ZSCAN5A: variants seen among roughly 807,000 people sequenced by gnomAD.
ZSCAN5A encodes zinc finger and SCAN domain-containing protein 5A.
Under a neutral mutation model 23.7 loss-of-function variants are expected in ZSCAN5A, and 12 were observed. The observed-to-expected ratio is 0.51, with a 90% CI of 0.32 to 0.82. The LOEUF is 0.82. ZSCAN5A is among the 40% of genes least tolerant of loss of function. ZSCAN5A has a pLI of 0.03. For missense variants in ZSCAN5A, 597 were observed against 617.9 expected (o/e 0.97, Z 0.36); for synonymous variants, 257 against 239.9 (o/e 1.07, Z -0.66).
At chr19:56,339,784 G>A (rs895560598) in intron 2 of ZSCAN5A, among the ~76,000 whole-genome samples, 4 of 142,346 alleles carry the variant, frequency 2.8e-5, no homozygotes, top group Admixed American at 2.1e-4. Flanking sequence ...GGTTGTAGCC[G>A]CATTTAGCAA....
At chr19:56,299,750 G>A (rs148763613) in intron 2 of ZSCAN5A, 1 of 152,118 alleles carries the variant, frequency 6.6e-6, no homozygotes, top group African/African-American at 2.4e-5. Flanking sequence ...TTATATTTTT[G>A]TATTGTTTTT....
chr19:56,224,325 T>G (rs963839211), intron 3 of ZSCAN5A: 13 of 329,212 alleles, frequency 3.9e-5, no homozygotes, highest in African/African-American at 1.9e-4. Context: ...CTTTCTTTCA[T>G]GTTGGCCTCA....
intron 2 of ZSCAN5A, chr19:56,321,580 G>C (rs1215255228): frequency 1.3e-6 from 1 of 777,840 alleles, no homozygotes; most frequent in Non-Finnish European, 2.4e-6. Context: ...CCCTGTCATT[G>C]ACTGTGGCAT....
At chr19:56,360,859 A>T (rs2041729692) in intron 2 of ZSCAN5A, among the ~76,000 whole-genome samples, 1 of 152,212 alleles carries the variant, frequency 6.6e-6, no homozygotes, top group Admixed American at 6.5e-5. Context: ...TAAACCAAAG[A>T]GCTTCTGCAC....
intron 2 of ZSCAN5A, among the ~76,000 whole-genome samples, chr19:56,337,692 T>C (rs1379294361): frequency 6.6e-6 from 1 of 152,240 alleles, no homozygotes; most frequent in Non-Finnish European, 1.5e-5. Flanking sequence ...TGCTGGGAGC[T>C]GTAGACTGGA....
At chr19:56,297,000 C>T (rs2039917659) in intron 2 of ZSCAN5A, among the ~76,000 whole-genome samples, 1 of 151,830 alleles carries the variant, frequency 6.6e-6, no homozygotes, top group Non-Finnish European at 1.5e-5. Flanking sequence ...ACCTGGGAAG[C>T]AGTGGTTGCA....
chr19:56,316,088 G>A (rs1399239333), upstream of ZSCAN5A: 1 of 152,168 alleles, frequency 6.6e-6, no homozygotes, highest in Non-Finnish European at 1.5e-5. Context: ...TTAAGACACT[G>A]GAATTCCGGA....
At chr19:56,291,383 G>A (rs1207092635) in intron 2 of ZSCAN5A, among the ~76,000 whole-genome samples, 1 of 152,158 alleles carries the variant, frequency 6.6e-6, no homozygotes, top group Admixed American at 6.5e-5. Flanking sequence ...GTCTCTAAAG[G>A]AGTAAAGTCT....
chr19:56,294,777 T>C (rs2039748984), intron 2 of ZSCAN5A, among the ~76,000 whole-genome samples: 1 of 152,228 alleles, frequency 6.6e-6, no homozygotes, highest in Non-Finnish European at 1.5e-5. Flanking sequence ...ATGTGTCTAT[T>C]CATACAATGG....
chr19:56,299,744 A>G (rs1222521209), intron 2 of ZSCAN5A: 1 of 152,146 alleles, frequency 6.6e-6, no homozygotes, highest in African/African-American at 2.4e-5. Context: ...GTACTGTTAT[A>G]TTTTTGTATT....
At chr19:56,321,923 T>G in intron 2 of ZSCAN5A, 1 of 781,838 alleles carries the variant, frequency 1.3e-6, no homozygotes, top group Non-Finnish European at 2.4e-6. Context: ...CTGCTCAATA[T>G]CCAACTTCAT....
At chr19:56,227,862 T>C (rs1359195432) in intron 2 of ZSCAN5A, among the ~76,000 whole-genome samples, 1 of 152,066 alleles carries the variant, frequency 6.6e-6, no homozygotes, top group Non-Finnish European at 1.5e-5. Flanking sequence ...AGGACCAGCC[T>C]GAGCAATATA....
At chr19:56,305,115 C>T (rs1400927904) in intron 2 of ZSCAN5A, among the ~76,000 whole-genome samples, 2 of 152,158 alleles carry the variant, frequency 1.3e-5, no homozygotes, top group East Asian at 3.8e-4. Flanking sequence ...GGACTTGTGG[C>T]CCAACACACA....
intron 2 of ZSCAN5A, among the ~76,000 whole-genome samples, chr19:56,308,737 T>C (rs2040858394): frequency 6.6e-6 from 1 of 152,060 alleles, no homozygotes; most frequent in African/African-American, 2.4e-5. Flanking sequence ...TCCTCCTCAG[T>C]CCTCAAGATT....
At chr19:56,302,558 T>A (rs1046743567) in intron 2 of ZSCAN5A, among the ~76,000 whole-genome samples, 2 of 29,252 alleles carry the variant, frequency 6.8e-5, no homozygotes, top group East Asian at 8.5e-4. Flanking sequence ...CCTCCCTCCC[T>A]CCCCCCTTCC....
chr19:56,227,344 C>A (rs919144800), intron 2 of ZSCAN5A, among the ~76,000 whole-genome samples: 2 of 152,116 alleles, frequency 1.3e-5, no homozygotes, highest in Non-Finnish European at 2.9e-5. Flanking sequence ...AAAAAGCACA[C>A]AGATATGATA....
At chr19:56,262,071 G>A (rs2037163506) in intron 2 of ZSCAN5A, among the ~76,000 whole-genome samples, 1 of 152,154 alleles carries the variant, frequency 6.6e-6, no homozygotes, top group Non-Finnish European at 1.5e-5. Flanking sequence ...GCCCAGGCTG[G>A]AGTGCAATCT....
At position 56,221,933 on chromosome 19, in the gene ZSCAN5A, T is replaced by C. The variant is rs1002322602; in HGVS notation, c.1133A>G (p.His378Arg). The change falls in exon 6 of 6, where the codon CAC becomes CGC. Residue 378 changes from histidine (H) to arginine (R), a missense_variant. By Grantham distance (29) the His-to-Arg change is conservative (BLOSUM62 0). Coordinates refer to ENST00000683990, the MANE Select transcript of ZSCAN5A (RefSeq NM_001322064.3). ...NSKLVIHKRS[H>R]TGERLFQCNL... ...ACATTGAAAGAGTCTCTCGCCTGTG[T>C]GTGATCTCTTGTGGATGACTAGCTT... 7 of 1,614,172 alleles carry C rather than the reference T, an allele frequency of 4.3e-6. No individual in the cohort carries two copies. The highest frequency in any genetic ancestry group is 5.9e-6 in the Non-Finnish European group (7 of 1,180,030).
intron 2 of ZSCAN5A, among the ~76,000 whole-genome samples, chr19:56,238,126 A>C (rs370824576): frequency 2.2e-3 from 53 of 24,624 alleles, no homozygotes; most frequent in East Asian, 0.014. Flanking sequence ...ACACCCACAC[A>C]CAGACACACA....
Sources: gnomAD v4.1 joint callset for allele counts (sites outside exome capture counted in the v4.1 genomes callset) on GRCh38, gnomAD v4.1.1 for gene constraint, MANE v1.5 for transcripts, NCBI Gene and HGNC (gene_info 2026-07-23, HGNC 2026-07-21) for gene names.